SYT1: variants seen among roughly 807,000 people sequenced by gnomAD.
The protein encoded by SYT1 is synaptotagmin-1.
In SYT1, 8 loss-of-function variants were observed where a neutral mutation model predicts 44.8. That is an observed-to-expected ratio of 0.18 (90% confidence interval 0.10 to 0.32). The LOEUF is 0.32. Among genes scored for constraint, SYT1 ranks in the 10% least tolerant of loss-of-function variants. The pLI is 1.00. For synonymous variants in SYT1, 154 were observed against 188.8 expected (o/e 0.82, Z 1.51); for missense variants, 286 against 509.3 (o/e 0.56, Z 4.22).
intron 7 of SYT1, among the ~76,000 whole-genome samples, chr12:79,298,163 G>T (rs1879963616): frequency 6.6e-6 from 1 of 152,036 alleles, no homozygotes; most frequent in Admixed American, 6.6e-5. Flanking sequence ...TCACTAGAAA[G>T]TCTAGAGAGA....
chr12:79,163,371 C>CT (rs1871062740), intron 3 of SYT1, among the ~76,000 whole-genome samples: 1 of 152,082 alleles, frequency 6.6e-6, no homozygotes, highest in Non-Finnish European at 1.5e-5. Flanking sequence ...TCATGGGGGC[C>CT]TTGCACTCCA....
At chr12:78,991,040 GT>G (rs1488652333) in intron 2 of SYT1, among the ~76,000 whole-genome samples, 17 of 152,040 alleles carry the variant, frequency 1.1e-4, no homozygotes, top group Non-Finnish European at 1.3e-4. Flanking sequence ...ATATATTACT[GT>G]TTTTACTTCA....
chr12:79,252,700 C>T (rs1300081951), intron 4 of SYT1, among the ~76,000 whole-genome samples: 2 of 152,146 alleles, frequency 1.3e-5, no homozygotes, highest in Non-Finnish European at 2.9e-5. Flanking sequence ...CACCGTAGAC[C>T]TGTAGCATGA....
chr12:78,941,352 G>A (rs931273631), intron 1 of SYT1, among the ~76,000 whole-genome samples: 2 of 151,282 alleles, frequency 1.3e-5, no homozygotes, highest in Non-Finnish European at 2.9e-5. Context: ...GATTACAGGC[G>A]TGAGTCACCG....
At chr12:79,318,565 A>C (rs190018040) in intron 8 of SYT1, among the ~76,000 whole-genome samples, 1 of 152,372 alleles carries the variant, frequency 6.6e-6, no homozygotes, top group East Asian at 1.9e-4. Flanking sequence ...TGAGGACAAA[A>C]AGGAAAATTT....
intron 2 of SYT1, among the ~76,000 whole-genome samples, chr12:78,979,044 C>T (rs1379276611): frequency 6.6e-6 from 1 of 152,162 alleles, no homozygotes; most frequent in African/African-American, 2.4e-5. Context: ...TGTAGGATCA[C>T]AGTTGTTATT....
chr12:79,236,158 T>C (rs1428494159), intron 4 of SYT1, among the ~76,000 whole-genome samples: 1 of 152,236 alleles, frequency 6.6e-6, no homozygotes, highest in East Asian at 1.9e-4. Context: ...TTTCCATTTA[T>C]GGCCAGCCCA....
chr12:79,000,160 G>A (rs1592648081), intron 2 of SYT1, among the ~76,000 whole-genome samples: 1 of 151,864 alleles, frequency 6.6e-6, no homozygotes, highest in Admixed American at 6.6e-5. Flanking sequence ...AAAGCAGAGT[G>A]CAATTTTTTT....
Position 79,286,050 on chromosome 12 carries a change from C to T in SYT1, c.351+79C>T, listed in dbSNP as rs113910202. 2,922 of 1,441,334 alleles carry T rather than the reference C, an allele frequency of 2.0e-3. 48 individuals carry two copies. The African/African-American group carries it at 0.038, about 19-fold the overall frequency. The allele number at this position is 1,441,334 out of a possible 1,614,324, so 89.3% of individuals were successfully genotyped here. ...TGTATTATTTTATGCCATATAATTACAGAAATAAACAACTTCTGGACCCAT... is the reference window on the plus strand; with the variant it reads ...TGTATTATTTTATGCCATATAATTATAGAAATAAACAACTTCTGGACCCAT... On this transcript the variant is annotated intron_variant, in intron 5 of 10. Transcript: ENST00000261205.
chr12:79,153,138 T>C (rs970594115), intron 3 of SYT1, among the ~76,000 whole-genome samples: 1 of 151,784 alleles, frequency 6.6e-6, no homozygotes, highest in Non-Finnish European at 1.5e-5. Flanking sequence ...CTGGGAGAGG[T>C]TGAGGGAAAC....
intron 1 of SYT1, among the ~76,000 whole-genome samples, chr12:78,921,126 T>C (rs1876969873): frequency 6.6e-6 from 1 of 152,010 alleles, no homozygotes; most frequent in Admixed American, 6.6e-5. Flanking sequence ...AGTACAGTTG[T>C]ATAGTGTGAT....
Position 78,998,519 on chromosome 12 carries a change from C to T in SYT1, c.-84+20588C>T, listed in dbSNP as rs140762972. On this transcript the variant is annotated intron_variant, in intron 2 of 10. Coordinates refer to ENST00000261205, the MANE Select transcript of SYT1 (RefSeq NM_005639.3). ...CTAGCATAGGGCCTGCACATGGAGG[C>T]GCTGGACTGAGTAAGATTTGCTGAA... Among the ~76,000 whole-genome samples, 29 of 152,168 alleles carry T rather than the reference C, an allele frequency of 1.9e-4. 1 individual carries two copies. Among genetic ancestry groups the T allele is most frequent in the East Asian group, 1.5e-3 (8 of 5,180 alleles).
At chr12:79,210,642 C>T in intron 3 of SYT1, among the ~76,000 whole-genome samples, 1 of 152,142 alleles carries the variant, frequency 6.6e-6, no homozygotes. Flanking sequence ...TTTATCCACT[C>T]ATTGATTGAT....
chr12:79,122,951 T>C (rs892748253), intron 3 of SYT1, among the ~76,000 whole-genome samples: 1 of 152,194 alleles, frequency 6.6e-6, no homozygotes, highest in African/African-American at 2.4e-5. Context: ...TTAAAAGCAG[T>C]TTCACTGAAA....
intron 10 of SYT1, among the ~76,000 whole-genome samples, 160 bp from the exon 11 acceptor site, chr12:79,448,758 A>G (rs1870870374): frequency 6.6e-6 from 1 of 152,256 alleles, no homozygotes. Context: ...TATAATAAAA[A>G]TTAACGTTTG....
At chr12:79,245,203 C>T (rs1235943614) in intron 4 of SYT1, among the ~76,000 whole-genome samples, 2 of 151,400 alleles carry the variant, frequency 1.3e-5, no homozygotes, top group African/African-American at 4.9e-5. Context: ...CGGTGGCTCA[C>T]GCCTGTAATC....
At chr12:78,975,742 C>G (rs1391316336) in intron 1 of SYT1, among the ~76,000 whole-genome samples, 1 of 152,282 alleles carries the variant, frequency 6.6e-6, no homozygotes, top group African/African-American at 2.4e-5. Context: ...TGTATTTTCT[C>G]TAACATGTAG....
At chr12:79,276,076 T>C (rs558718147) in intron 4 of SYT1, among the ~76,000 whole-genome samples, 23 of 152,106 alleles carry the variant, frequency 1.5e-4, no homozygotes, top group Non-Finnish European at 1.8e-4. Context: ...AAAATAAATT[T>C]TTAAATAATA....
At chr12:79,106,832 T>C (rs184822839) in intron 3 of SYT1, among the ~76,000 whole-genome samples, 1 of 152,200 alleles carries the variant, frequency 6.6e-6, no homozygotes, top group Non-Finnish European at 1.5e-5. Context: ...TCACAAAGTC[T>C]TTTTTATCTG....
Sources: gnomAD v4.1 joint callset for allele counts (sites outside exome capture counted in the v4.1 genomes callset) on GRCh38, gnomAD v4.1.1 for gene constraint, MANE v1.5 for transcripts, NCBI Gene and HGNC (gene_info 2026-07-23, HGNC 2026-07-21) for gene names.